RNF157: variants seen among roughly 807,000 people sequenced by gnomAD.
RNF157 encodes ring finger protein 157, also known as E3 ubiquitin ligase RNF157.
A neutral mutation model predicts 88.3 loss-of-function variants in RNF157; 55 were observed. The observed-to-expected ratio is 0.62, with a 90% CI of 0.50 to 0.78. RNF157 has a LOEUF of 0.78. Ranked by LOEUF, RNF157 falls within the 30% of genes least tolerant of loss-of-function variation. RNF157 has a pLI of 0.00. For synonymous variants in RNF157, 334 were observed against 341.2 expected (o/e 0.98, Z 0.23); for missense variants, 788 against 860.8 (o/e 0.92, Z 1.06).
chr17:76,162,400 A>G (rs374197253), intron 9 of RNF157, 152 bp downstream of exon 9: 3 of 670,778 alleles, frequency 4.5e-6, no homozygotes, highest in African/African-American at 1.8e-5. Context: ...AAAGTGGTAA[A>G]AGCGTAATGA....
chr17:76,191,812 T>C (rs1292161224), intron 2 of RNF157, among the ~76,000 whole-genome samples: 1 of 152,152 alleles, frequency 6.6e-6, no homozygotes, highest in Non-Finnish European at 1.5e-5. Flanking sequence ...ATATGTCTGA[T>C]TAATTTCTGT....
chr17:76,171,184 A>G (rs1219883005), intron 3 of RNF157, among the ~76,000 whole-genome samples: 1 of 142,074 alleles, frequency 7.0e-6, no homozygotes, highest in Non-Finnish European at 1.5e-5. Context: ...GAGCCACTGC[A>G]CCGGGCCTTA....
chr17:76,188,443 A>G (rs1027773249), intron 2 of RNF157, among the ~76,000 whole-genome samples: 1 of 152,148 alleles, frequency 6.6e-6, no homozygotes, highest in Non-Finnish European at 1.5e-5. Context: ...TGGGCTTCTG[A>G]TCATCTTTCA....
chr17:76,188,774 C>G (rs181164180), intron 2 of RNF157, among the ~76,000 whole-genome samples: 193 of 152,334 alleles, frequency 1.3e-3, no homozygotes, highest in African/African-American at 4.4e-3. Flanking sequence ...GATTTAGTGA[C>G]TGGCTTCTAA....
At chr17:76,189,745 G>A (rs554827092) in intron 2 of RNF157, among the ~76,000 whole-genome samples, 17 of 152,278 alleles carry the variant, frequency 1.1e-4, no homozygotes, top group South Asian at 8.3e-4. Flanking sequence ...CTGGAAGCCC[G>A]GAGAAGGGAC....
In RNF157 at chr17:76,173,687, C is replaced by G; in HGVS notation, c.296+15G>C. 6.3e-7 allele frequency: 1 copy of G among 1,589,912 alleles called. No individual in the cohort carries two copies. The highest frequency in any genetic ancestry group is 8.6e-7 in the Non-Finnish European group (1 of 1,163,590). On this transcript the variant is annotated intron_variant, in intron 3 of 18. Coordinates refer to ENST00000269391, the MANE Select transcript of RNF157 (RefSeq NM_052916.3). ...GAAGGTGCCTGGGACCTGGCCCCAG[C>G]CTCTGGGAACTTACTTGACGAGCCT...
intron 18 of RNF157, among the ~76,000 whole-genome samples, chr17:76,148,869 C>G (rs549065880): frequency 6.6e-6 from 1 of 152,332 alleles, no homozygotes; most frequent in Middle Eastern, 3.4e-3. Flanking sequence ...TGTGCCCGGC[C>G]TATCTTTGCC....
chr17:76,203,093 C>T (rs767702270), intron 2 of RNF157, among the ~76,000 whole-genome samples: 84 of 151,992 alleles, frequency 5.5e-4, no homozygotes, highest in Non-Finnish European at 1.0e-3. Flanking sequence ...TGGGTTCAAG[C>T]GATTCTTATG....
chr17:76,171,313 G>A (rs1403718768), intron 3 of RNF157, among the ~76,000 whole-genome samples: 2 of 151,844 alleles, frequency 1.3e-5, no homozygotes, highest in Non-Finnish European at 2.9e-5. Context: ...TTCAGCCTCC[G>A]GAGCAGCTAG....
intron 2 of RNF157, among the ~76,000 whole-genome samples, chr17:76,181,063 T>C (rs1172984364): frequency 6.6e-6 from 1 of 152,070 alleles, no homozygotes; most frequent in East Asian, 1.9e-4. Flanking sequence ...CACGTAATCA[T>C]CCAGGGTCCC....
At chr17:76,211,986 T>TA (rs2069808966) in intron 2 of RNF157, 1 of 159,342 alleles carries the variant, frequency 6.3e-6, no homozygotes, top group African/African-American at 2.4e-5. Flanking sequence ...TTATGAAACT[T>TA]ACGTTCTAGA....
rs367900542 is a variant in RNF157 at position 76,145,331 on chromosome 17, A to G, written c.1944T>C (p.Asn648=). The stretch of plus-strand genomic sequence containing the variant: ...GGCGCTGGGCATTCCGACTGACGGC[A>G]TTGTCATCAGCCTGCCAGGCACCTG... ...CLPGAWQADD[N]AVSRNAQRRR... The change falls in exon 19 of 19, where the codon AAT becomes AAC. Residue 648 remains asparagine, a synonymous_variant. Transcript: ENST00000269391. 1 of 1,612,952 alleles carries G rather than the reference A, an allele frequency of 6.2e-7. No individual in the cohort carries two copies. Among genetic ancestry groups the G allele is most frequent in the South Asian group, 1.1e-5 (1 of 90,852 alleles).
chr17:76,197,406 T>G (rs1008554762), intron 2 of RNF157, among the ~76,000 whole-genome samples: 1 of 152,134 alleles, frequency 6.6e-6, no homozygotes, highest in South Asian at 2.1e-4. Flanking sequence ...CTCATGCCTG[T>G]AATCCCAGAA....
chr17:76,222,602 T>A (rs1316959044), intron 1 of RNF157, among the ~76,000 whole-genome samples: 1 of 152,182 alleles, frequency 6.6e-6, no homozygotes, highest in African/African-American at 2.4e-5. Context: ...CTGATTTTCA[T>A]CTGTAAGATA....
At chr17:76,156,384 AG>A in intron 13 of RNF157, 63 bp from the exon 14 acceptor site, 1 of 1,608,880 alleles carries the variant, frequency 6.2e-7, no homozygotes. Context: ...TGCTGGAGGA[AG>A]GGGTCAGGGC....
intron 14 of RNF157, 84 bp from the exon 15 acceptor site, chr17:76,155,818 G>T: frequency 8.3e-7 from 1 of 1,199,292 alleles, no homozygotes; most frequent in Non-Finnish European, 1.1e-6. Context: ...CCCTCTCCCT[G>T]CATTCAGGCA....
intron 2 of RNF157, among the ~76,000 whole-genome samples, chr17:76,177,493 G>A (rs1273420315): frequency 6.6e-6 from 1 of 151,928 alleles, no homozygotes; most frequent in African/African-American, 2.4e-5. Flanking sequence ...GCCCCTTCCA[G>A]ACTTTGGGCA....
At chr17:76,181,416 G>A (rs963762468) in intron 2 of RNF157, among the ~76,000 whole-genome samples, 2 of 152,156 alleles carry the variant, frequency 1.3e-5, no homozygotes, top group African/African-American at 4.8e-5. Context: ...AGCACAGTAT[G>A]ACAAAATCTT....
At chr17:76,162,354 A>T (rs2068858049) in intron 9 of RNF157, among the ~76,000 whole-genome samples, 198 bp downstream of exon 9, 1 of 152,226 alleles carries the variant, frequency 6.6e-6, no homozygotes, top group African/African-American at 2.4e-5. Flanking sequence ...GCTCTGTGGC[A>T]GAACAAAGCC....
Sources: allele counts gnomAD v4.1 joint callset (sites outside exome capture counted in the v4.1 genomes callset), GRCh38; gene constraint gnomAD v4.1.1; transcripts MANE v1.5; gene names NCBI Gene and HGNC (gene_info 2026-07-23, HGNC 2026-07-21).